Variants in PTPRD observed in about 807,000 individuals in gnomAD.
PTPRD encodes the protein receptor-type tyrosine-protein phosphatase delta.
Under a neutral mutation model 214.5 loss-of-function variants are expected in PTPRD, and 34 were observed. That is an observed-to-expected ratio of 0.16 (90% CI 0.12 to 0.21). The LOEUF is 0.21. Ranked by LOEUF, PTPRD falls within the 10% of genes least tolerant of loss-of-function variation. The probability of loss-of-function intolerance (pLI) is 1.00; values close to 1 mark genes in which losing one functional copy is unlikely to be tolerated. For missense variants in PTPRD, 2,545 were observed against 2,398.7 expected (o/e 1.06, Z -1.27); for synonymous variants, 1,128 against 845.7 (o/e 1.33, Z -5.79).
chr9:9,846,621 T>G (rs2059579116), intron 5 of PTPRD, among the ~76,000 whole-genome samples: 1 of 152,134 alleles, frequency 6.6e-6, no homozygotes, highest in Non-Finnish European at 1.5e-5. Flanking sequence ...GTGGACTATG[T>G]CAAGGAGTTC....
intron 11 of PTPRD, among the ~76,000 whole-genome samples, chr9:8,929,755 A>ATGTGTATATATATGTGTATATATATG (rs1555536588): frequency 5.2e-5 from 3 of 58,076 alleles, no homozygotes; most frequent in African/African-American, 2.0e-4. Context: ...GTATATATAT[A>ATGTGTATATATATGTGTATATATATG]TGTATATATA....
At chr9:8,378,962 A>T (rs1202415441) in intron 37 of PTPRD, among the ~76,000 whole-genome samples, 1 of 152,092 alleles carries the variant, frequency 6.6e-6, no homozygotes, top group Non-Finnish European at 1.5e-5. Context: ...TTCAAACTGC[A>T]ACTATTATTG....
At chr9:9,530,453 C>A (rs1292826191) in intron 8 of PTPRD, among the ~76,000 whole-genome samples, 1 of 152,018 alleles carries the variant, frequency 6.6e-6, no homozygotes, top group African/African-American at 2.4e-5. Context: ...AATAGAAAAC[C>A]AGAACAGACC....
At chr9:9,697,770 C>T (rs191145242) in intron 7 of PTPRD, among the ~76,000 whole-genome samples, 1 of 152,124 alleles carries the variant, frequency 6.6e-6, no homozygotes, top group African/African-American at 2.4e-5. Context: ...TGGTCTTGCT[C>T]AACTTCCTCG....
intron 5 of PTPRD, among the ~76,000 whole-genome samples, chr9:9,888,869 C>T (rs1365932953): frequency 2.6e-5 from 4 of 152,046 alleles, no homozygotes; most frequent in African/African-American, 9.7e-5. Context: ...TGAGCCAGCA[C>T]CAAATGTTAG....
chr9:9,595,002 T>C (rs1023085147), intron 7 of PTPRD, among the ~76,000 whole-genome samples: 2 of 151,936 alleles, frequency 1.3e-5, no homozygotes, highest in Non-Finnish European at 2.9e-5. Context: ...ACATCACTAA[T>C]GATTAGGGGA....
chr9:9,030,234 G>A (rs1001655125), intron 10 of PTPRD, among the ~76,000 whole-genome samples: 2 of 124,706 alleles, frequency 1.6e-5, no homozygotes, highest in African/African-American at 6.1e-5. Context: ...GATGTTCCAT[G>A]ATTTGTCTTA....
chr9:8,927,575 T>G (rs1239336051), intron 11 of PTPRD, among the ~76,000 whole-genome samples: 1 of 152,196 alleles, frequency 6.6e-6, no homozygotes, highest in Non-Finnish European at 1.5e-5. Flanking sequence ...CCATGGTGTA[T>G]ATATGCCACA....
intron 7 of PTPRD, among the ~76,000 whole-genome samples, chr9:9,708,846 A>G (rs2097674044): frequency 6.6e-6 from 1 of 151,980 alleles, no homozygotes; most frequent in Admixed American, 6.6e-5. Context: ...GTTTAGTTAC[A>G]CCTCATTGTA....
chr9:10,314,448 G>A (rs1409207496), intron 3 of PTPRD, among the ~76,000 whole-genome samples: 1 of 151,886 alleles, frequency 6.6e-6, no homozygotes, highest in Non-Finnish European at 1.5e-5. Context: ...AAACAAATAA[G>A]AATCAGGAAC....
intron 9 of PTPRD, among the ~76,000 whole-genome samples, chr9:9,349,234 A>G (rs1338591911): frequency 6.6e-6 from 1 of 152,120 alleles, no homozygotes; most frequent in African/African-American, 2.4e-5. Context: ...GAGCTCCTTA[A>G]CATAGAATGG....
intron 23 of PTPRD, among the ~76,000 whole-genome samples, chr9:8,503,903 G>A (rs2097479420): frequency 3.3e-5 from 5 of 152,000 alleles, no homozygotes; most frequent in Admixed American, 2.6e-4. Context: ...TTTCATTTGC[G>A]AAGCCCTCCT....
chr9:9,462,444 C>G (rs2093745205), intron 8 of PTPRD, among the ~76,000 whole-genome samples: 2 of 152,078 alleles, frequency 1.3e-5, no homozygotes, highest in Admixed American at 6.6e-5. Flanking sequence ...AAGTCATTGT[C>G]ATAAAATTAT....
intron 7 of PTPRD, among the ~76,000 whole-genome samples, chr9:9,709,142 T>A (rs2097680387): frequency 6.6e-6 from 1 of 152,002 alleles, no homozygotes; most frequent in South Asian, 2.1e-4. Context: ...TTTGCAAGAT[T>A]CAAATACCAA....
At chr9:9,269,339 C>T (rs936250637) in intron 9 of PTPRD, among the ~76,000 whole-genome samples, 9 of 150,734 alleles carry the variant, frequency 6.0e-5, no homozygotes, top group African/African-American at 2.2e-4. Flanking sequence ...TGGCCATTAG[C>T]AAAAAGTTAA....
chr9:10,060,871 TCCTTCCTTCCTTCCTTCCTTC>T, intron 3 of PTPRD, among the ~76,000 whole-genome samples: 1 of 71,184 alleles, frequency 1.4e-5, no homozygotes, highest in African/African-American at 1.6e-4. Flanking sequence ...CTTCCTTCTT[TCCTTCCTTCCTTCCTTCCTTC>T]CTTCCTTCTT....
chr9:9,596,567 T>C (rs1198884975), intron 7 of PTPRD, among the ~76,000 whole-genome samples: 3 of 152,024 alleles, frequency 2.0e-5, no homozygotes, highest in Non-Finnish European at 4.4e-5. Flanking sequence ...TTTCTAAGAC[T>C]AGCAAAATCT....
intron 3 of PTPRD, among the ~76,000 whole-genome samples, chr9:10,204,559 C>T (rs906483681): frequency 6.6e-6 from 1 of 151,924 alleles, no homozygotes; most frequent in Non-Finnish European, 1.5e-5. Flanking sequence ...ACAATAAATA[C>T]AAAGAACATA....
At position 8,852,038 on chromosome 9, in the gene PTPRD, T is replaced by A. The variant is rs138348499; in HGVS notation, c.-103-118092A>T. On this transcript the variant is annotated intron_variant, in intron 11 of 45. Transcript: ENST00000381196. ...TAATACAACCCTTTTAGTTAATAAA[T>A]GAAATCCATCTACTAACGGTTTAAA... Among the ~76,000 whole-genome samples the A allele has an allele frequency of 3.3e-3, 448 of 137,358 alleles. 3 individuals are homozygous for A. The highest frequency in any genetic ancestry group is 0.012 in the African/African-American group (419 of 35,474). The allele number at this position is 137,358 out of a possible 152,430, so 90.1% of individuals were successfully genotyped here.
Sources: gnomAD v4.1 joint callset for allele counts (sites outside exome capture counted in the v4.1 genomes callset) on GRCh38, gnomAD v4.1.1 for gene constraint, MANE v1.5 for transcripts, NCBI Gene and HGNC (gene_info 2026-07-23, HGNC 2026-07-21) for gene names.